The following SLC12A3 variants were observed in gnomAD, a reference collection of about 807,000 sequenced individuals.
SLC12A3 encodes Na-Cl cotransporter.
SLC12A3 carries 104 observed loss-of-function variants against 121.0 expected under a neutral mutation model. That is an observed-to-expected ratio of 0.86 (90% CI 0.73 to 1.01). SLC12A3 has a LOEUF of 1.01. SLC12A3 is among the 50% of genes least tolerant of loss of function. The pLI is 0.00. For missense variants in SLC12A3, 1,328 were observed against 1,356.3 expected (o/e 0.98, Z 0.33); for synonymous variants, 536 against 533.4 (o/e 1.00, Z -0.07).
rs761936847 is a variant in SLC12A3 at position 56,890,239 on chromosome 16, G to A, written c.2286-35G>A. 1.9e-6 allele frequency: 3 copies of A among 1,565,938 alleles called. No individual in the cohort carries two copies. The African/African-American group carries it at 4.1e-5, about 21-fold the overall frequency. ...CAGGTCACCTCCCCAGTGGGAGCTG[G>A]GGGAGAAGCTGGACCTCACCTCCTC... On this transcript the variant is annotated intron_variant, in intron 18 of 25. Coordinates refer to ENST00000563236, the MANE Select transcript of SLC12A3 (RefSeq NM_001126108.2).
intron 9 of SLC12A3, among the ~76,000 whole-genome samples, chr16:56,878,832 A>G (rs1466896450): frequency 1.3e-5 from 2 of 152,198 alleles, no homozygotes; most frequent in African/African-American, 4.8e-5. Flanking sequence ...TGGTCACTCA[A>G]GCTCTCTGCG....
Position 56,892,971 on chromosome 16 carries a change from T to C in SLC12A3, c.2438T>C (p.Val813Ala). The C allele has an allele frequency of 1.2e-6, 2 of 1,614,030 alleles. No homozygotes were observed. The highest frequency in any genetic ancestry group is 1.1e-5 in the South Asian group (1 of 91,076). ...ASARVDPKAL[V>A]KEEQATTIFQ... ...CCTGCAGTGGACCCCAAGGCCCTGG[T>C]GAAGGAGGAGCAGGCCACCACCATC... The change falls in exon 21 of 26, where the codon GTG (valine) becomes GCG (alanine). Residue 813 changes from valine to alanine, a missense_variant. Coordinates refer to ENST00000563236, the MANE Select transcript of SLC12A3 (RefSeq NM_001126108.2).
intron 25 of SLC12A3, among the ~76,000 whole-genome samples, chr16:56,905,294 G>T (rs1304070569): frequency 8.0e-6 from 1 of 124,778 alleles, no homozygotes; most frequent in Non-Finnish European, 1.6e-5. Flanking sequence ...AGCCGAGGTT[G>T]CCCCATTTCA....
intron 19 of SLC12A3, among the ~76,000 whole-genome samples, chr16:56,891,156 T>A (rs2055383074): frequency 6.6e-6 from 1 of 151,558 alleles, no homozygotes; most frequent in Non-Finnish European, 1.5e-5. Context: ...GGTGGATCGC[T>A]TGAGTCTAGG....
chr16:56,904,208 G>T, intron 24 of SLC12A3, 187 bp from the exon 25 acceptor site: 2 of 605,052 alleles, frequency 3.3e-6, no homozygotes, highest in Non-Finnish European at 6.1e-6. Context: ...AGGTGAGCTT[G>T]GTGCTCCATT....
At chr16:56,896,748 T>C (rs1406255680) in intron 22 of SLC12A3, among the ~76,000 whole-genome samples, 3 of 152,166 alleles carry the variant, frequency 2.0e-5, no homozygotes, top group Non-Finnish European at 4.4e-5. Context: ...GCTATCTCTA[T>C]TTTTTAAATA....
intron 24 of SLC12A3, among the ~76,000 whole-genome samples, chr16:56,903,146 CT>C (rs762180271): frequency 1.9e-4 from 27 of 144,674 alleles, no homozygotes; most frequent in East Asian, 9.9e-4. Flanking sequence ...GAGACTCCGT[CT>C]CAAAAAAAAA....
intron 13 of SLC12A3, among the ~76,000 whole-genome samples, chr16:56,883,370 T>C (rs1358546466): frequency 2.1e-5 from 3 of 141,342 alleles, no homozygotes; most frequent in African/African-American, 7.9e-5. Flanking sequence ...AAGCTCCACC[T>C]CCCGGGTTCA....
intron 22 of SLC12A3, among the ~76,000 whole-genome samples, chr16:56,898,885 C>T (rs2055500467): frequency 6.6e-6 from 1 of 152,200 alleles, no homozygotes; most frequent in South Asian, 2.1e-4. Context: ...GGACTAGCAG[C>T]ATTGCATCCC....
intron 3 of SLC12A3, among the ~76,000 whole-genome samples, chr16:56,868,683 C>T (rs1386689139): frequency 1.3e-5 from 2 of 152,232 alleles, no homozygotes; most frequent in African/African-American, 4.8e-5. Flanking sequence ...TGCACTCTGG[C>T]CGGGCACGGT....
intron 12 of SLC12A3, 102 bp downstream of exon 12, chr16:56,880,355 C>A: frequency 7.1e-7 from 1 of 1,416,598 alleles, no homozygotes; most frequent in Non-Finnish European, 9.5e-7. Context: ...CATCTCCCCG[C>A]CGGGCCTGAC....
In SLC12A3 at chr16:56,915,829, G is replaced by A. The variant is rs962808752; in HGVS notation, c.*2424G>A. The A allele has an allele frequency of 6.6e-6, 1 of 152,144 alleles. No individual in the cohort carries two copies. Among genetic ancestry groups the A allele is most frequent in the Non-Finnish European group, 1.5e-5 (1 of 68,030 alleles). The allele number at this position is 152,144 out of a possible 1,614,324, so 9.4% of individuals were successfully genotyped here. ...CATAAACAATGAAATGAATAAAAAC[G>A]GTGGTCATTCAGTCAACGGAACTTA... On this transcript the variant is annotated 3_prime_UTR_variant, in exon 26 of 26. Transcript: ENST00000563236.
At chr16:56,887,838 G>A in intron 17 of SLC12A3, 87 bp from the exon 18 acceptor site, 1 of 649,996 alleles carries the variant, frequency 1.5e-6, no homozygotes, top group Non-Finnish European at 2.8e-6. Flanking sequence ...CACATCTGGA[G>A]ACATCAGAAA....
intron 8 of SLC12A3, 53 bp downstream of exon 8, chr16:56,872,839 G>A: frequency 6.2e-6 from 10 of 1,610,256 alleles, no homozygotes; most frequent in Non-Finnish European, 8.5e-6. Context: ...GGGGCTATGA[G>A]CAGAATCCTG....
At chr16:56,875,583 C>T (rs116095877) in intron 8 of SLC12A3, among the ~76,000 whole-genome samples, 142 of 152,168 alleles carry the variant, frequency 9.3e-4, no homozygotes, top group African/African-American at 3.1e-3. Context: ...CTAACAAATA[C>T]GTTTTGTGCT....
chr16:56,902,531 G>GCAGCC, intron 24 of SLC12A3, 23 bp downstream of exon 24: 1 of 714,568 alleles, frequency 1.4e-6, no homozygotes, highest in Non-Finnish European at 2.4e-6. Flanking sequence ...GTGGGGGTGG[G>GCAGCC]AAACGCGACA....
rs1328175659 is a variant in SLC12A3, at chr16:56,915,636, C to T, written c.*2231C>T. 2.0e-5 allele frequency: 3 copies of T among 152,150 alleles called. No individual in the cohort carries two copies. The highest frequency in any genetic ancestry group is 4.4e-5 in the Non-Finnish European group (3 of 68,028). The allele number at this position is 152,150 out of a possible 1,614,324, so 9.4% of individuals were successfully genotyped here. On this transcript the variant is annotated 3_prime_UTR_variant, in exon 26 of 26. Transcript: ENST00000563236. ...GGGAATGCTGGCCTTTCTAGAGCCA[C>T]GTAGAAAACAATTTTCTGGTTCTTC...
Position 56,904,461 on chromosome 16 carries a change from A to T in SLC12A3, c.2923A>T (p.Ile975Phe). Reference protein sequence around the residue: ...DYSRDAALIVITLPIGRKGKC... With the variant: ...DYSRDAALIVFTLPIGRKGKC... ...CTCCCGAGACGCTGCTCTCATCGTC[A>T]TGTAAGTAGTGCCCGGCTGGTGGGA... Residue 975 changes from isoleucine to phenylalanine, a missense_variant and splice_region_variant, in exon 25 of 26, where the codon ATC (isoleucine) becomes TTC (phenylalanine). Coordinates refer to ENST00000563236, the MANE Select transcript of SLC12A3 (RefSeq NM_001126108.2). 3 of 1,613,652 alleles carry T rather than the reference A, an allele frequency of 1.9e-6. No individual in the cohort carries two copies. The highest frequency in any genetic ancestry group is 2.5e-6 in the Non-Finnish European group (3 of 1,179,646).
chr16:56,901,345 C>CTTTT (rs1408480661), intron 23 of SLC12A3, among the ~76,000 whole-genome samples: 2 of 84,164 alleles, frequency 2.4e-5, no homozygotes, highest in African/African-American at 6.2e-5. Flanking sequence ...ATCTCTCTCT[C>CTTTT]TCTTTTTTTT....
Sources: allele counts gnomAD v4.1 joint callset (sites outside exome capture counted in the v4.1 genomes callset), GRCh38; gene constraint gnomAD v4.1.1; transcripts MANE v1.5; gene names NCBI Gene and HGNC (gene_info 2026-07-23, HGNC 2026-07-21).